ROBO1: variants seen among roughly 807,000 people sequenced by gnomAD.
The protein encoded by ROBO1 is roundabout homolog 1.
A neutral mutation model predicts 195.9 loss-of-function variants in ROBO1; 149 were observed. The ratio of observed to expected loss-of-function variants is 0.76; its 90% CI spans 0.67 to 0.87. ROBO1 has a LOEUF of 0.87. Ranked by LOEUF, ROBO1 falls within the 40% of genes least tolerant of loss-of-function variation. The pLI is 0.00. For missense variants in ROBO1, 1,933 were observed against 2,068.3 expected, an observed-to-expected ratio of 0.93 and a Z score of 1.27; for synonymous variants, 816 against 733.2, an observed-to-expected ratio of 1.11 and a Z score of -1.82.
At chr3:79,596,319 T>C (rs550081633) in intron 1 of ROBO1, among the ~76,000 whole-genome samples, 3 of 152,144 alleles carry the variant, frequency 2.0e-5, no homozygotes, top group African/African-American at 7.2e-5. Context: ...GAGTAAATAA[T>C]TTATTACACA....
chr3:79,156,391 A>C (rs906940895), intron 2 of ROBO1, among the ~76,000 whole-genome samples: 17 of 151,782 alleles, frequency 1.1e-4, no homozygotes, highest in African/African-American at 4.1e-4. Context: ...TCAAGTGCAG[A>C]AATACATTTA....
intron 2 of ROBO1, among the ~76,000 whole-genome samples, chr3:79,453,126 C>T (rs556800627): frequency 1.3e-5 from 2 of 152,058 alleles, no homozygotes; most frequent in Admixed American, 1.3e-4. Context: ...ACGGGCTCTA[C>T]ATCTGTGCCC....
intron 4 of ROBO1, among the ~76,000 whole-genome samples, chr3:78,866,056 C>G (rs2035156815): frequency 2.0e-5 from 3 of 152,174 alleles, no homozygotes; most frequent in African/African-American, 7.2e-5. Context: ...CTTGGAAAAT[C>G]TGTCTCATGT....
chr3:79,287,882 C>A (rs1365804095), intron 2 of ROBO1, among the ~76,000 whole-genome samples: 9 of 150,818 alleles, frequency 6.0e-5, no homozygotes. Context: ...TAGTTTTTTT[C>A]TTTTTTATGT....
intron 2 of ROBO1, among the ~76,000 whole-genome samples, chr3:79,435,604 C>A (rs536462408): frequency 6.6e-6 from 1 of 152,236 alleles, no homozygotes; most frequent in East Asian, 1.9e-4. Context: ...ATTCTAGACA[C>A]AAACAACATT....
chr3:79,749,976 C>A (rs1181727614), intron 1 of ROBO1, among the ~76,000 whole-genome samples: 2 of 152,192 alleles, frequency 1.3e-5, no homozygotes, highest in Non-Finnish European at 2.9e-5. Context: ...GATCCACCAA[C>A]AGCTTGTGCT....
intron 2 of ROBO1, among the ~76,000 whole-genome samples, chr3:79,141,064 AT>A (rs199917105): frequency 6.6e-6 from 1 of 151,934 alleles, no homozygotes; most frequent in Non-Finnish European, 1.5e-5. Context: ...AGGATGAAAC[AT>A]TTTTTTTCCT....
intron 1 of ROBO1, among the ~76,000 whole-genome samples, chr3:79,618,999 C>T (rs958269217): frequency 2.0e-5 from 2 of 99,126 alleles, no homozygotes; most frequent in African/African-American, 4.4e-5. Flanking sequence ...GATCATCATG[C>T]GGACACCTGC....
chr3:79,547,159 T>TG (rs1942299072), intron 2 of ROBO1, among the ~76,000 whole-genome samples: 3 of 110,964 alleles, frequency 2.7e-5, no homozygotes, highest in Middle Eastern at 0.011. Flanking sequence ...CACTCCAGCC[T>TG]GGCAGACAGA....
chr3:79,170,953 C>T (rs1409193831), intron 2 of ROBO1, among the ~76,000 whole-genome samples: 3 of 151,804 alleles, frequency 2.0e-5, no homozygotes, highest in Non-Finnish European at 2.9e-5. Context: ...GAAAATATCA[C>T]GTAGCCATGT....
intron 10 of ROBO1, among the ~76,000 whole-genome samples, chr3:78,684,633 G>C (rs564556985): frequency 6.6e-6 from 1 of 152,072 alleles, no homozygotes; most frequent in Non-Finnish European, 1.5e-5. Flanking sequence ...TTAGTAGGCT[G>C]TTACAATTTC....
intron 2 of ROBO1, among the ~76,000 whole-genome samples, chr3:79,412,679 G>T (rs2037822125): frequency 6.6e-6 from 1 of 152,012 alleles, no homozygotes; most frequent in Admixed American, 6.6e-5. Flanking sequence ...TGGGATTTCT[G>T]TATTCAGAGA....
chr3:79,399,349 C>T (rs150151801), intron 2 of ROBO1, among the ~76,000 whole-genome samples: 22 of 152,052 alleles, frequency 1.4e-4, no homozygotes, highest in African/African-American at 4.3e-4. Context: ...GACCGGCTGC[C>T]CCCCGACCTC....
Position 78,717,274 on chromosome 3 carries a change from C to T in ROBO1, c.917+1G>A, listed in dbSNP as rs1322568401. ...TCATATCATGAAACTCTGATGTGTA[C>T]CTGGATTTGGGCAGCTCTCCATCAT... is the stretch of plus-strand genomic sequence containing the variant. On this transcript the variant is annotated splice_donor_variant, in intron 7 of 30. Coordinates refer to ENST00000464233, the MANE Select transcript of ROBO1 (RefSeq NM_002941.4). LOFTEE classifies it high-confidence loss of function. 1 of 1,560,354 alleles carries T rather than the reference C, an allele frequency of 6.4e-7. No homozygotes were observed. Among genetic ancestry groups the T allele is most frequent in the Non-Finnish European group, 8.6e-7 (1 of 1,158,272 alleles).
intron 1 of ROBO1, among the ~76,000 whole-genome samples, chr3:79,615,660 A>G (rs889232274): frequency 2.0e-5 from 3 of 152,216 alleles, no homozygotes; most frequent in Non-Finnish European, 4.4e-5. Context: ...TCAAACATGA[A>G]GACAGGCTAT....
intron 25 of ROBO1, among the ~76,000 whole-genome samples, chr3:78,630,262 G>T (rs1316578999): frequency 6.6e-6 from 1 of 152,072 alleles, no homozygotes; most frequent in African/African-American, 2.4e-5. Context: ...CCCAATGAAT[G>T]GTTCAACATT....
intron 2 of ROBO1, among the ~76,000 whole-genome samples, chr3:79,230,256 T>C (rs1484919560): frequency 6.6e-6 from 1 of 152,194 alleles, no homozygotes; most frequent in East Asian, 1.9e-4. Flanking sequence ...CTCTTTCTTT[T>C]ACTGAATTCT....
chr3:78,928,119 T>C (rs1158349578), intron 4 of ROBO1, among the ~76,000 whole-genome samples: 1 of 152,166 alleles, frequency 6.6e-6, no homozygotes, highest in African/African-American at 2.4e-5. Context: ...AGAGACTAAA[T>C]AATTTCAGCA....
intron 2 of ROBO1, among the ~76,000 whole-genome samples, chr3:79,424,469 G>T (rs978742718): frequency 1.3e-5 from 2 of 151,946 alleles, no homozygotes; most frequent in African/African-American, 2.4e-5. Flanking sequence ...GAATGAAAAT[G>T]ACCTATTAGT....
Sources: gnomAD v4.1 joint callset for allele counts (sites outside exome capture counted in the v4.1 genomes callset) on GRCh38, gnomAD v4.1.1 for gene constraint, MANE v1.5 for transcripts, NCBI Gene and HGNC (gene_info 2026-07-23, HGNC 2026-07-21) for gene names.